The following AXL variants were observed in gnomAD, a reference collection of about 807,000 sequenced individuals.
AXL encodes the protein tyrosine-protein kinase receptor UFO.
In AXL, 52 loss-of-function variants were observed where a neutral mutation model predicts 104.5. That is an observed-to-expected ratio of 0.50 (90% CI 0.40 to 0.63). AXL has a LOEUF of 0.63. Ranked by LOEUF, AXL falls within the 20% of genes least tolerant of loss-of-function variation. AXL has a pLI of 0.00. For synonymous variants in AXL, 455 were observed against 473.7 expected (o/e 0.96, Z 0.51); for missense variants, 1,024 against 1,188.5 (o/e 0.86, Z 2.04).
At chr19:41,231,103 G>C (rs534638184) in intron 5 of AXL, 56 bp downstream of exon 5, 1 of 1,611,576 alleles carries the variant, frequency 6.2e-7, no homozygotes, top group Admixed American at 1.7e-5. Flanking sequence ...TTGGGTCCGG[G>C]GTCAGAGTGG....
chr19:41,231,100 CGGG>C (rs2033979626), intron 5 of AXL, 53 bp downstream of exon 5: 1 of 1,610,382 alleles, frequency 6.2e-7, no homozygotes, highest in Admixed American at 1.7e-5. Context: ...GGTTTGGGTC[CGGG>C]GTCAGAGTGG....
At chr19:41,228,340 G>A (rs2033918508) in intron 4 of AXL, among the ~76,000 whole-genome samples, 1 of 152,066 alleles carries the variant, frequency 6.6e-6, no homozygotes, top group Admixed American at 6.5e-5. Context: ...ATCACTTGAG[G>A]TCAGGAGTTC....
chr19:41,256,766 A>G (rs932446578), intron 18 of AXL, among the ~76,000 whole-genome samples, 155 bp downstream of exon 18: 1 of 151,894 alleles, frequency 6.6e-6, no homozygotes, highest in Non-Finnish European at 1.5e-5. Flanking sequence ...GTCTTGGGGT[A>G]TGGTGGGCAT....
intron 14 of AXL, among the ~76,000 whole-genome samples, chr19:41,252,054 A>C (rs984639763): frequency 6.7e-6 from 1 of 150,166 alleles, no homozygotes; most frequent in Non-Finnish European, 1.5e-5. Flanking sequence ...CGGAGGTTGC[A>C]GTGACCCGAG....
At position 41,260,298 on chromosome 19, in the gene AXL, C is replaced by CTTTTTTTTTTTTTTTTTTTTTTTTT. The variant is rs869213717; in HGVS notation, c.*401_*425dup. The stretch of plus-strand genomic sequence containing the variant: ...TAAAGTGCTAAGGTTCTAAGGCCTA[C>CTTTTTTTTTTTTTTTTTTTTTTTTT]TTTTTTTTTTTTTTTTTTTTTTTTT... On this transcript the variant is annotated 3_prime_UTR_variant, in exon 20 of 20. Coordinates refer to ENST00000301178, the MANE Select transcript of AXL (RefSeq NM_021913.5). 1.0e-4 allele frequency: 5 copies of CTTTTTTTTTTTTTTTTTTTTTTTTT among 48,578 alleles called. No individual in the cohort carries two copies. Among genetic ancestry groups the CTTTTTTTTTTTTTTTTTTTTTTTTT allele is most frequent in the African/African-American group, 3.4e-4 (4 of 11,744 alleles). 3.0% of individuals were successfully genotyped at this position (48,578 alleles called of 1,614,324 possible). A position where few individuals can be genotyped will look rare whatever the true frequency, so the allele number is the denominator to read the frequency against.
chr19:41,233,624 T>C (rs1214513873), intron 6 of AXL, among the ~76,000 whole-genome samples: 1 of 148,360 alleles, frequency 6.7e-6, no homozygotes, highest in Non-Finnish European at 1.5e-5. Context: ...AGTAAGACTC[T>C]GTCTGAGAAA....
At position 41,242,981 on chromosome 19, in the gene AXL, C is replaced by T. The variant is rs2122247355; in HGVS notation, c.1411C>T (p.Leu471Phe). ...CTGTGTCCTCATCTTGGCTCTCTTC[C>T]TTGTCCACCGGCGAAAGAAGGAGAC... ...AACVLILALFLVHRRKKETRY... is the reference protein window; with the variant it reads ...AACVLILALFFVHRRKKETRY... Residue 471 changes from leucine (L) to phenylalanine (F), a missense_variant, in exon 11 of 20, where the codon CTT (leucine) becomes TTT (phenylalanine). By Grantham distance (22) the Leu-to-Phe change is conservative. Around this residue, in one of 5 missense-constraint regions of AXL, gnomAD observed 523 missense variants for 636.0 expected, o/e 0.82. Coordinates refer to ENST00000301178, the MANE Select transcript of AXL (RefSeq NM_021913.5). 1.2e-6 allele frequency: 2 copies of T among 1,614,200 alleles called. No individual in the cohort carries two copies. Among genetic ancestry groups the T allele is most frequent in the Non-Finnish European group, 1.7e-6 (2 of 1,180,040 alleles).
chr19:41,238,781 A>G (rs1236915872), intron 8 of AXL, among the ~76,000 whole-genome samples, 172 bp downstream of exon 8: 1 of 152,104 alleles, frequency 6.6e-6, no homozygotes, highest in African/African-American at 2.4e-5. Flanking sequence ...AGGGGGTCTA[A>G]GGGAGGGCAT....
At chr19:41,225,921 C>T (rs1268033026) in intron 4 of AXL, among the ~76,000 whole-genome samples, 1 of 152,180 alleles carries the variant, frequency 6.6e-6, no homozygotes, top group African/African-American at 2.4e-5. Flanking sequence ...GCGTGCCCCT[C>T]CTCCTTCCAT....
rs574744474 is a variant in AXL, at chr19:41,231,419, G to A, written c.783+121G>A. The A allele has an allele frequency of 1.8e-4, 160 of 912,612 alleles. No individual in the cohort carries two copies. In the African/African-American group the frequency reaches 2.4e-3, roughly 14 times the overall value. 56.5% of individuals were successfully genotyped at this position (912,612 alleles called of 1,614,324 possible). A position where few individuals can be genotyped will look rare whatever the true frequency, so the allele number is the denominator to read the frequency against. The stretch of plus-strand genomic sequence containing the variant: ...CCACTGTTGAGAAGCAGTAGAGCCT[G>A]GGGGGTTAAGCCAGATGTCCTGGGT... On this transcript the variant is annotated intron_variant, in intron 6 of 19. Coordinates refer to ENST00000301178, the MANE Select transcript of AXL (RefSeq NM_021913.5).
At chr19:41,234,533 T>TA (rs1417150892) in intron 6 of AXL, among the ~76,000 whole-genome samples, 2 of 150,906 alleles carry the variant, frequency 1.3e-5, no homozygotes, top group African/African-American at 4.9e-5. Flanking sequence ...AGACCCTGCC[T>TA]AAAAAAAAGA....
intron 6 of AXL, among the ~76,000 whole-genome samples, chr19:41,231,983 G>C (rs1195230133): frequency 6.6e-6 from 1 of 151,954 alleles, no homozygotes. Context: ...ATGATCAGCT[G>C]TTTTAATTAT....
chr19:41,219,354 G>T lies in AXL; in HGVS notation c.-39G>T, dbSNP rs199900995. The T allele has an allele frequency of 4.0e-4, 619 of 1,549,266 alleles. 1 individual carries two copies. The highest frequency in any genetic ancestry group is 2.7e-4 in the Non-Finnish European group (304 of 1,145,560). On this transcript the variant is annotated 5_prime_UTR_variant, in exon 1 of 20. Transcript: ENST00000301178. ...ACAGCCCGGCCCTGCCCCCTCCCCC[G>T]CTGGGAGCCCAACAACTTCTGAGGA...
In AXL at chr19:41,219,233, C is replaced by T; in HGVS notation, c.-160C>T. The T allele has an allele frequency of 1.5e-6, 1 of 656,954 alleles. No individual in the cohort carries two copies. Among genetic ancestry groups the T allele is most frequent in the South Asian group, 2.0e-5 (1 of 51,014 alleles). 40.7% of individuals were successfully genotyped at this position (656,954 alleles called of 1,614,324 possible). Reference sequence around the variant, plus strand: ...GGAGGCAGGGGTGCTGAGAAGGCGGCTGCTGGGCAGAGCCGGTGGCAAGGG... The same window carrying T: ...GGAGGCAGGGGTGCTGAGAAGGCGGTTGCTGGGCAGAGCCGGTGGCAAGGG... On this transcript the variant is annotated 5_prime_UTR_variant, in exon 1 of 20. Transcript: ENST00000301178.
chr19:41,258,676 A>C (rs1370132178), intron 19 of AXL, among the ~76,000 whole-genome samples: 1 of 152,178 alleles, frequency 6.6e-6, no homozygotes, highest in Non-Finnish European at 1.5e-5. Context: ...CCAGCCTCCC[A>C]AAGTGCTGGG....
Position 41,260,064 on chromosome 19 carries a change from C to T in AXL, c.*160C>T. On this transcript the variant is annotated 3_prime_UTR_variant, in exon 20 of 20. Coordinates refer to ENST00000301178, the MANE Select transcript of AXL (RefSeq NM_021913.5). ...ATCCCAGACAGGTCCCTCCCCTTCTCTGTGCAGTAGCATCACCTTGAAAGC... is the reference window on the plus strand; with the variant it reads ...ATCCCAGACAGGTCCCTCCCCTTCTTTGTGCAGTAGCATCACCTTGAAAGC... 2 of 628,858 alleles carry T rather than the reference C, an allele frequency of 3.2e-6. No homozygotes were observed. The highest frequency in any genetic ancestry group is 4.2e-5 in the South Asian group (2 of 48,110). 39.0% of individuals were successfully genotyped at this position (628,858 alleles called of 1,614,324 possible).
intron 13 of AXL, 61 bp downstream of exon 13, chr19:41,248,670 C>A (rs1448324531): frequency 1.2e-6 from 2 of 1,611,308 alleles, no homozygotes; most frequent in Non-Finnish European, 1.7e-6. Flanking sequence ...CACTTCCACA[C>A]TCCCACCCAA....
At chr19:41,242,717 T>TCCAGC (rs1459656426) in intron 10 of AXL, among the ~76,000 whole-genome samples, 166 bp from the exon 11 acceptor site, 2 of 152,160 alleles carry the variant, frequency 1.3e-5, no homozygotes. Flanking sequence ...GCATGCCCTG[T>TCCAGC]CCAGCCCAGC....
chr19:41,227,740 C>T (rs1168370099), intron 4 of AXL, among the ~76,000 whole-genome samples: 2 of 152,104 alleles, frequency 1.3e-5, no homozygotes, highest in East Asian at 1.9e-4. Flanking sequence ...CCACCCGCCT[C>T]GGCCTCCCAA....
Sources: allele counts gnomAD v4.1 joint callset (sites outside exome capture counted in the v4.1 genomes callset), GRCh38; gene constraint gnomAD v4.1.1; regional missense constraint gnomAD v4.1.1; transcripts MANE v1.5; gene names NCBI Gene and HGNC (gene_info 2026-07-23, HGNC 2026-07-21).